BCLAF1: variants seen among roughly 807,000 people sequenced by gnomAD.
BCLAF1 encodes the protein BCL2 associated transcription factor 1.
BCLAF1 carries 10 observed loss-of-function variants against 99.5 expected under a neutral mutation model. The observed-to-expected ratio is 0.10, with a 90% CI of 0.06 to 0.17. The LOEUF is 0.17. Ranked by LOEUF, BCLAF1 falls within the 10% of genes least tolerant of loss-of-function variation. The pLI is 1.00. For synonymous variants in BCLAF1, 255 were observed against 370.9 expected (o/e 0.69, Z 3.59); for missense variants, 636 against 1,105.8 (o/e 0.58, Z 6.02).
intron 6 of BCLAF1, chr6:136,273,882 TAA>T (rs1782896807): frequency 2.5e-6 from 2 of 792,678 alleles, no homozygotes; most frequent in Admixed American, 8.7e-5. Flanking sequence ...GAAAGACGTA[TAA>T]AGTCATGAGC....
intron 6 of BCLAF1, 56 bp downstream of exon 6, chr6:136,275,476 T>A: frequency 7.0e-7 from 1 of 1,422,062 alleles, no homozygotes; most frequent in South Asian, 1.6e-5. Flanking sequence ...ATTACACATT[T>A]TTTTATTTGC....
intron 6 of BCLAF1, 189 bp from the exon 7 acceptor site, chr6:136,273,376 T>C (rs1176416710): frequency 7.4e-6 from 4 of 538,700 alleles, no homozygotes; most frequent in Non-Finnish European, 1.3e-5. Context: ...GTTTCGAAAG[T>C]TGCTCACAGG....
At chr6:136,274,125 G>C in intron 6 of BCLAF1, 1 of 1,288,770 alleles carries the variant, frequency 7.8e-7, no homozygotes. Context: ...AACTTTGCCT[G>C]TATCTTTCAA....
intron 1 of BCLAF1, among the ~76,000 whole-genome samples, chr6:136,284,130 G>GTGTATATA (rs36141174): frequency 0.021 from 2,566 of 121,932 alleles, 41 homozygotes; most frequent in East Asian, 0.037. Context: ...GTGTGTGTGT[G>GTGTATATA]TATATATATA....
At chr6:136,272,146 A>G (rs1402189852) in intron 7 of BCLAF1, 67 bp from the exon 8 acceptor site, 35 of 1,113,596 alleles carry the variant, frequency 3.1e-5, no homozygotes, top group Non-Finnish European at 4.0e-5. Flanking sequence ...CATCCACACG[A>G]TTATCCATTT....
In BCLAF1 at chr6:136,259,026, T is replaced by C. The variant is rs1780662268; in HGVS notation, c.*2084A>G. 6.6e-6 allele frequency: 1 copy of C among 152,402 alleles called. No individual in the cohort carries two copies. Among genetic ancestry groups the C allele is most frequent in the Non-Finnish European group, 1.5e-5 (1 of 67,904 alleles). The allele number at this position is 152,402 out of a possible 1,614,324, so 9.4% of individuals were successfully genotyped here. On this transcript the variant is annotated 3_prime_UTR_variant, in exon 13 of 13. Transcript: ENST00000531224. ...GAGGAACCATTCAACTTTTATAATA[T>C]CGTAAAGCGTGGAGTTAAGATGTGT... is the stretch of plus-strand genomic sequence containing the variant.
At chr6:136,261,167 A>C in intron 12 of BCLAF1, 52 bp from the exon 13 acceptor site, 1 of 1,565,710 alleles carries the variant, frequency 6.4e-7, no homozygotes, top group African/African-American at 1.4e-5. Context: ...GAGAGTGAAA[A>C]GGAACCATAT....
At chr6:136,262,404 G>C (rs1020900073) in intron 11 of BCLAF1, among the ~76,000 whole-genome samples, 3 of 152,096 alleles carry the variant, frequency 2.0e-5, no homozygotes, top group Non-Finnish European at 4.4e-5. Flanking sequence ...TACCAGTAGT[G>C]AGCAACCATC....
intron 9 of BCLAF1, 187 bp from the exon 10 acceptor site, chr6:136,268,526 T>C (rs1480693046): frequency 3.4e-5 from 20 of 583,796 alleles, no homozygotes; most frequent in Non-Finnish European, 5.6e-5. Context: ...GTGTTTTACA[T>C]CAATAATGAA....
chr6:136,273,125 T>C lies in BCLAF1; in HGVS notation c.1915A>G (p.Thr639Ala), dbSNP rs781345287. The C allele has an allele frequency of 7.4e-6, 12 of 1,612,192 alleles. No individual in the cohort carries two copies. The highest frequency in any genetic ancestry group is 5.3e-5 in the African/African-American group (4 of 74,824). Residue 639 changes from threonine (T) to alanine (A), a missense_variant, in exon 7 of 13, where the codon ACT becomes GCT. Thr to Ala is a moderately conservative substitution (Grantham distance 58). Transcript: ENST00000531224. ...TTTTGCCGAGTACTATGTTCTTCAG[T>C]GGCTTTCTGATACGAAGTGAACCGC... ...NERFTSYQKA[T>A]EEHSTRQKSP...
At chr6:136,267,988 G>A (rs1428906031) in intron 10 of BCLAF1, among the ~76,000 whole-genome samples, 174 bp downstream of exon 10, 1 of 151,770 alleles carries the variant, frequency 6.6e-6, no homozygotes, top group Non-Finnish European at 1.5e-5. Flanking sequence ...ACCTCAAAAT[G>A]GCATTTCTAA....
At chr6:136,280,473 A>G (rs1164150416) in intron 2 of BCLAF1, among the ~76,000 whole-genome samples, 1 of 152,176 alleles carries the variant, frequency 6.6e-6, no homozygotes, top group Non-Finnish European at 1.5e-5. Context: ...CTCAGTACTC[A>G]TGACTCCAGA....
At chr6:136,287,350 A>C (rs1785286997) in intron 1 of BCLAF1, among the ~76,000 whole-genome samples, 1 of 152,194 alleles carries the variant, frequency 6.6e-6, no homozygotes, top group Non-Finnish European at 1.5e-5. Flanking sequence ...TGAAAACTCT[A>C]AAATATTACA....
At chr6:136,288,532 T>G (rs1785475214) in intron 1 of BCLAF1, among the ~76,000 whole-genome samples, 1 of 152,216 alleles carries the variant, frequency 6.6e-6, no homozygotes, top group African/African-American at 2.4e-5. Flanking sequence ...GAAATTTTGT[T>G]TTGCTTTGTA....
intron 10 of BCLAF1, 125 bp from the exon 11 acceptor site, chr6:136,267,300 T>C (rs1005401391): frequency 1.5e-5 from 17 of 1,152,972 alleles, no homozygotes; most frequent in South Asian, 4.9e-5. Context: ...CTCATGGCCA[T>C]TGAGGATGAA....
chr6:136,271,967 CG>C (rs770417576), intron 8 of BCLAF1, 27 bp downstream of exon 8: 15 of 1,527,058 alleles, frequency 9.8e-6, no homozygotes, highest in Non-Finnish European at 1.3e-5. Flanking sequence ...GAACTTAACA[CG>C]AAAAAAAATT....
intron 1 of BCLAF1, among the ~76,000 whole-genome samples, chr6:136,287,960 C>CAGT (rs1785379799): frequency 6.6e-6 from 1 of 152,158 alleles, no homozygotes; most frequent in African/African-American, 2.4e-5. Context: ...ACGGAGGCTG[C>CAGT]AGTGAGCCGA....
intron 3 of BCLAF1, chr6:136,279,459 T>C (rs1368686490): frequency 4.4e-5 from 8 of 180,926 alleles, no homozygotes; most frequent in Non-Finnish European, 8.0e-5. Context: ...GTCAAATTCT[T>C]GCATTACCCA....
intron 1 of BCLAF1, among the ~76,000 whole-genome samples, chr6:136,289,277 G>A (rs1201339527): frequency 6.6e-6 from 1 of 152,268 alleles, no homozygotes; most frequent in African/African-American, 2.4e-5. Context: ...CCCAGCCAAT[G>A]AGAGGCGGAC....
Sources: gnomAD v4.1 joint callset for allele counts (sites outside exome capture counted in the v4.1 genomes callset) on GRCh38, gnomAD v4.1.1 for gene constraint, MANE v1.5 for transcripts, NCBI Gene and HGNC (gene_info 2026-07-23, HGNC 2026-07-21) for gene names.